ITIH5: variants seen among roughly 807,000 people sequenced by gnomAD.
The protein encoded by ITIH5 is inter-alpha-trypsin inhibitor heavy chain 5.
In ITIH5, 65 loss-of-function variants were observed where a neutral mutation model predicts 77.5. The observed-to-expected ratio is 0.84, with a 90% CI of 0.69 to 1.03. The LOEUF (loss-of-function observed/expected upper bound fraction) is 1.03. ITIH5 is among the 50% of genes least tolerant of loss of function. The probability of loss-of-function intolerance (pLI) is 0.00; values close to 1 mark genes in which losing one functional copy is unlikely to be tolerated. For missense variants in ITIH5, 1,208 were observed against 1,213.1 expected (o/e 1.00, Z 0.06); for synonymous variants, 525 against 494.3 (o/e 1.06, Z -0.82).
intron 2 of ITIH5, among the ~76,000 whole-genome samples, chr10:7,654,604 T>G (rs1834150654): frequency 1.3e-5 from 2 of 152,232 alleles, no homozygotes; most frequent in African/African-American, 2.4e-5. Context: ...ACCAACTGCA[T>G]GGCAGGTGTC....
chr10:7,594,613 C>G (rs1588384545), intron 7 of ITIH5, among the ~76,000 whole-genome samples: 1 of 102,934 alleles, frequency 9.7e-6, no homozygotes, highest in African/African-American at 3.3e-5. Context: ...GCCTGATTCG[C>G]GAGGGGATTA....
At chr10:7,579,154 C>T (rs73617546) in intron 9 of ITIH5, among the ~76,000 whole-genome samples, 2,256 of 152,304 alleles carry the variant, frequency 0.015, 60 homozygotes, top group African/African-American at 0.052. Context: ...TTTTATATAG[C>T]GATTTTCTCA....
At chr10:7,610,101 T>C (rs1833214487) in intron 7 of ITIH5, among the ~76,000 whole-genome samples, 1 of 127,570 alleles carries the variant, frequency 7.8e-6, no homozygotes, top group African/African-American at 3.0e-5. Context: ...TCTTCTCAGC[T>C]CCCATTCTCA....
intron 11 of ITIH5, chr10:7,571,867 C>A (rs898752679): frequency 1.6e-6 from 1 of 608,280 alleles, no homozygotes; most frequent in East Asian, 1.4e-4. Context: ...TCCTTTTTCA[C>A]GTATTTTTGA....
At chr10:7,626,517 G>A (rs1192651784) in intron 5 of ITIH5, among the ~76,000 whole-genome samples, 5 of 152,130 alleles carry the variant, frequency 3.3e-5, no homozygotes, top group Non-Finnish European at 7.4e-5. Context: ...CAGAGATTTC[G>A]CAGAGGCCAA....
chr10:7,644,375 TATCA>T (rs1271944575), intron 2 of ITIH5, among the ~76,000 whole-genome samples: 5 of 102,658 alleles, frequency 4.9e-5, no homozygotes, highest in East Asian at 3.1e-4. Context: ...ATCACATATA[TATCA>T]CATATATCAC....
intron 11 of ITIH5, chr10:7,571,822 A>G (rs1832305494): frequency 3.8e-6 from 1 of 264,530 alleles, no homozygotes. Context: ...CAAAGACAAG[A>G]AAAAAAGTCC....
intron 7 of ITIH5, 41 bp from the exon 8 acceptor site, chr10:7,586,110 A>G (rs778660897): frequency 8.9e-6 from 14 of 1,566,004 alleles, no homozygotes; most frequent in East Asian, 2.3e-5. Context: ...AGCTGCTCAC[A>G]TAAGTCCACT....
intron 5 of ITIH5, among the ~76,000 whole-genome samples, chr10:7,631,311 G>A (rs991976630): frequency 5.9e-5 from 9 of 152,186 alleles, no homozygotes; most frequent in Non-Finnish European, 1.0e-4. Context: ...CAATGGAGCC[G>A]TCAAACCACA....
rs941607105 is a variant in ITIH5, at chr10:7,599,910, A to G, written c.940-13841T>C. Among the ~76,000 whole-genome samples the G allele has an allele frequency of 5.9e-5, 9 of 152,196 alleles. No individual in the cohort carries two copies. The South Asian group carries it at 1.5e-3, about 25-fold the overall frequency. On this transcript the variant is annotated intron_variant, in intron 7 of 13. Transcript: ENST00000397146. ...CCCAGACTCTTAGTTAAGGTCGCCA[A>G]TGAGACTGGAGACGGAGATTTCTGT...
intron 2 of ITIH5, among the ~76,000 whole-genome samples, chr10:7,654,757 A>C (rs1180595031): frequency 6.6e-6 from 1 of 152,242 alleles, no homozygotes; most frequent in African/African-American, 2.4e-5. Flanking sequence ...AAATGGTAAC[A>C]AACTAGCTTA....
Position 7,615,979 on chromosome 10 carries a change from C to T in ITIH5, c.939+3G>A, listed in dbSNP as rs1394212886. 6.4e-7 allele frequency: 1 copy of T among 1,561,422 alleles called. No homozygotes were observed. ...AATAAATGGGCGGTTGGCACTCACT[C>T]ACCTGCCGGAGTTTGGTTCCCACCA... On this transcript the variant is annotated splice_donor_region_variant and intron_variant, in intron 7 of 13. Coordinates refer to ENST00000397146, the MANE Select transcript of ITIH5 (RefSeq NM_030569.7).
chr10:7,598,291 T>C (rs1447654919), intron 7 of ITIH5, among the ~76,000 whole-genome samples: 1 of 152,240 alleles, frequency 6.6e-6, no homozygotes, highest in African/African-American at 2.4e-5. Flanking sequence ...AAGGGAAATC[T>C]TGTTGCAAGA....
chr10:7,566,492 C>G, intron 12 of ITIH5, 85 bp from the exon 13 acceptor site: 1 of 1,376,964 alleles, frequency 7.3e-7, no homozygotes, highest in South Asian at 1.4e-5. Context: ...ACTTAGAAGG[C>G]CAGGGCAGGT....
At chr10:7,586,185 A>T (rs147748780) in intron 7 of ITIH5, 116 bp from the exon 8 acceptor site, 19 of 874,280 alleles carry the variant, frequency 2.2e-5, no homozygotes, top group Non-Finnish European at 3.1e-5. Flanking sequence ...ATTCAGTGTC[A>T]GCTATGTAAA....
chr10:7,637,607 T>A, intron 4 of ITIH5, 129 bp from the exon 5 acceptor site: 1 of 887,032 alleles, frequency 1.1e-6, no homozygotes, highest in Non-Finnish European at 1.7e-6. Flanking sequence ...GGTGTGAGTG[T>A]GGGTCCTGAG....
At chr10:7,588,300 C>A (rs10905196) in intron 7 of ITIH5, among the ~76,000 whole-genome samples, 43,583 of 152,030 alleles carry the variant, frequency 0.29, 6,574 homozygotes, top group East Asian at 0.49. Context: ...GGGTAGATCA[C>A]TTGAGGTGAG....
chr10:7,616,845 A>T (rs1444589812), intron 6 of ITIH5, among the ~76,000 whole-genome samples: 2 of 152,138 alleles, frequency 1.3e-5, no homozygotes, highest in Non-Finnish European at 2.9e-5. Context: ...AATAAAATGG[A>T]GCATGAACTA....
Position 7,576,464 on chromosome 10 carries a change from C to A in ITIH5, c.1967G>T (p.Gly656Val). ...EPVVQSVRGA[G>V]TQPGPLLKKP... ...CAGGTGCCTCGTACCTGGCTGCGTG[C>A]CAGCTCCTCGCACGCTCTGCACCAC... Residue 656 changes from glycine to valine, a missense_variant, in exon 10 of 14, where the codon GGC becomes GTC. Coordinates refer to ENST00000397146, the MANE Select transcript of ITIH5 (RefSeq NM_030569.7). 1.3e-6 allele frequency: 2 copies of A among 1,590,914 alleles called. No individual in the cohort carries two copies.
Sources: allele counts gnomAD v4.1 joint callset (sites outside exome capture counted in the v4.1 genomes callset), GRCh38; gene constraint gnomAD v4.1.1; transcripts MANE v1.5; gene names NCBI Gene and HGNC (gene_info 2026-07-23, HGNC 2026-07-21).